Variants in RBPMS observed in about 807,000 individuals in gnomAD.
The protein encoded by RBPMS is RNA binding protein, mRNA processing factor, also known as RNA-binding protein with multiple splicing.
Under a neutral mutation model 26.8 loss-of-function variants are expected in RBPMS, and 7 were observed. The observed-to-expected ratio is 0.26, with a 90% CI of 0.15 to 0.49. The LOEUF is 0.49. Among genes scored for constraint, RBPMS ranks in the 20% least tolerant of loss-of-function variants. The pLI is 0.98. For synonymous variants in RBPMS, 96 were observed against 93.3 expected, an observed-to-expected ratio of 1.03 and a Z score of -0.17; for missense variants, 186 against 250.0, an observed-to-expected ratio of 0.74 and a Z score of 1.73.
intron 6 of RBPMS, among the ~76,000 whole-genome samples, chr8:30,548,920 T>G (rs1192206732): frequency 6.6e-6 from 1 of 152,238 alleles, no homozygotes; most frequent in African/African-American, 2.4e-5. Context: ...TGCTTTGGTG[T>G]CGGGTATGTT....
chr8:30,428,966 G>C (rs1811652623), intron 1 of RBPMS, among the ~76,000 whole-genome samples: 1 of 152,140 alleles, frequency 6.6e-6, no homozygotes, highest in Non-Finnish European at 1.5e-5. Flanking sequence ...GAATCCATGA[G>C]AAACAATCAT....
chr8:30,524,407 A>G (rs575957273), intron 5 of RBPMS, among the ~76,000 whole-genome samples: 1 of 152,244 alleles, frequency 6.6e-6, no homozygotes, highest in South Asian at 2.1e-4. Flanking sequence ...TTATTTTCTT[A>G]TTTTATAGGT....
At chr8:30,567,162 A>G (rs1827948241) in intron 8 of RBPMS, among the ~76,000 whole-genome samples, 1 of 152,170 alleles carries the variant, frequency 6.6e-6, no homozygotes, top group African/African-American at 2.4e-5. Context: ...TGAGGGGCCT[A>G]TGAAAAAAGA....
At chr8:30,474,068 A>G (rs541815418) in intron 1 of RBPMS, among the ~76,000 whole-genome samples, 2 of 151,740 alleles carry the variant, frequency 1.3e-5, no homozygotes, top group South Asian at 4.2e-4. Flanking sequence ...CATCCTGCAC[A>G]TGTACCCCAG....
At chr8:30,505,369 G>A (rs573542989) in intron 5 of RBPMS, among the ~76,000 whole-genome samples, 1 of 152,232 alleles carries the variant, frequency 6.6e-6, no homozygotes, top group South Asian at 2.1e-4. Context: ...GAAATTGAAG[G>A]ACACATGGAT....
chr8:30,471,878 C>T (rs78099005), intron 1 of RBPMS, among the ~76,000 whole-genome samples: 3 of 152,096 alleles, frequency 2.0e-5, no homozygotes, highest in Admixed American at 6.6e-5. Context: ...AGATACAGAA[C>T]ACTTGAACAA....
chr8:30,511,477 AAAAAAAAAAATAT>A (rs1371403482), intron 5 of RBPMS, among the ~76,000 whole-genome samples: 2 of 7,388 alleles, frequency 2.7e-4, no homozygotes, highest in African/African-American at 7.3e-4. Context: ...AAAAGAAAAA[AAAAAAAAAAATAT>A]ATATATATAT....
At position 30,474,769 on chromosome 8, in the gene RBPMS, A is replaced by AT; in HGVS notation, c.67-5dup. On this transcript the variant is annotated splice_polypyrimidine_tract_variant and intron_variant, in intron 1 of 8. Transcript: ENST00000397323. Reference sequence around the variant, plus strand: ...ACACCCTTGATCACTTCCTAAATTTATTTTTCCAGGTCCGGACCCTATTTG... The same window carrying AT: ...ACACCCTTGATCACTTCCTAAATTTATTTTTTCCAGGTCCGGACCCTATTTG... The AT allele has an allele frequency of 6.3e-7, 1 of 1,587,334 alleles. No homozygotes were observed. Among genetic ancestry groups the AT allele is most frequent in the African/African-American group, 1.3e-5 (1 of 74,436 alleles).
intron 5 of RBPMS, among the ~76,000 whole-genome samples, chr8:30,521,502 G>T (rs917695107): frequency 1.3e-5 from 2 of 152,226 alleles, no homozygotes; most frequent in African/African-American, 4.8e-5. Context: ...GTGCCTGGCA[G>T]AAAGATTGAA....
At chr8:30,432,899 A>G (rs1812084088) in intron 1 of RBPMS, among the ~76,000 whole-genome samples, 1 of 152,244 alleles carries the variant, frequency 6.6e-6, no homozygotes, top group African/African-American at 2.4e-5. Flanking sequence ...CTTTTCGCTT[A>G]AACATTCTGT....
At chr8:30,532,008 C>T (rs1173093577) in intron 5 of RBPMS, among the ~76,000 whole-genome samples, 1 of 152,148 alleles carries the variant, frequency 6.6e-6, no homozygotes, top group Non-Finnish European at 1.5e-5. Context: ...TCACATTTCC[C>T]TGGTGAAGCT....
intron 1 of RBPMS, chr8:30,446,855 G>GCA (rs773291630): frequency 3.1e-4 from 23 of 73,258 alleles, no homozygotes; most frequent in African/African-American, 1.4e-3. Context: ...GCGCGCGCGC[G>GCA]CGCGGTGGAG....
At chr8:30,526,707 A>G (rs570937605) in intron 5 of RBPMS, among the ~76,000 whole-genome samples, 26 of 152,216 alleles carry the variant, frequency 1.7e-4, no homozygotes, top group African/African-American at 6.3e-4. Flanking sequence ...TCAGGAAATC[A>G]TAACTAATTT....
Sources: gnomAD v4.1 joint callset for allele counts (sites outside exome capture counted in the v4.1 genomes callset) on GRCh38, gnomAD v4.1.1 for gene constraint, MANE v1.5 for transcripts, NCBI Gene and HGNC (gene_info 2026-07-23, HGNC 2026-07-21) for gene names.